Variants in MBNL1 observed in about 807,000 individuals in gnomAD.
MBNL1 encodes muscleblind-like protein 1.
In MBNL1, 8 loss-of-function variants were observed where a neutral mutation model predicts 42.2. The observed-to-expected ratio is 0.19, with a 90% confidence interval of 0.11 to 0.34. The LOEUF (loss-of-function observed/expected upper bound fraction) is 0.34. Ranked by LOEUF, MBNL1 falls within the 10% of genes least tolerant of loss-of-function variation. The pLI is 1.00. For missense variants in MBNL1, 309 were observed against 495.3 expected, an observed-to-expected ratio of 0.62 and a Z score of 3.57; for synonymous variants, 169 against 173.9, an observed-to-expected ratio of 0.97 and a Z score of 0.22.
At chr3:152,265,133 T>C (rs2036978098), upstream of MBNL1, 1 of 152,166 alleles carries the variant, frequency 6.6e-6, no homozygotes, top group Non-Finnish European at 1.5e-5. Flanking sequence ...AAGTTTAATG[T>C]GATAAATTTA....
intron 2 of MBNL1, among the ~76,000 whole-genome samples, chr3:152,405,588 A>G (rs2098407467): frequency 6.6e-6 from 1 of 152,198 alleles, no homozygotes; most frequent in Non-Finnish European, 1.5e-5. Flanking sequence ...ATGTTTAAGC[A>G]GTCTGTAAAG....
intron 1 of MBNL1, among the ~76,000 whole-genome samples, chr3:152,273,236 A>G (rs957245960): frequency 6.6e-6 from 1 of 152,234 alleles, no homozygotes; most frequent in Non-Finnish European, 1.5e-5. Flanking sequence ...AGCTATTGGC[A>G]TATGGCATTA....
At chr3:152,447,290 G>C (rs558976941) in intron 5 of MBNL1, among the ~76,000 whole-genome samples, 1 of 152,246 alleles carries the variant, frequency 6.6e-6, no homozygotes, top group East Asian at 1.9e-4. Flanking sequence ...CTCGCAGTGC[G>C]GCTTTTCTTC....
At chr3:152,412,461 G>T (rs1426040608) in intron 2 of MBNL1, among the ~76,000 whole-genome samples, 2 of 152,066 alleles carry the variant, frequency 1.3e-5, no homozygotes, top group Non-Finnish European at 2.9e-5. Context: ...CCAAATATCA[G>T]TTGATTCTTA....
chr3:152,377,975 T>C (rs1044596672), intron 2 of MBNL1, among the ~76,000 whole-genome samples: 3 of 152,186 alleles, frequency 2.0e-5, no homozygotes, highest in African/African-American at 7.2e-5. Context: ...ACCTGCTGTA[T>C]ATTGTTTTAT....
At chr3:152,362,785 C>CA (rs1459004664) in intron 2 of MBNL1, among the ~76,000 whole-genome samples, 1 of 151,836 alleles carries the variant, frequency 6.6e-6, no homozygotes. Flanking sequence ...TAAAGTAAAA[C>CA]AAAAAAAGTA....
intron 2 of MBNL1, among the ~76,000 whole-genome samples, chr3:152,347,763 TCTA>T (rs2094468918): frequency 6.6e-6 from 1 of 152,120 alleles, no homozygotes; most frequent in African/African-American, 2.4e-5. Flanking sequence ...GTTGAACAAA[TCTA>T]ATAAAGATAA....
chr3:152,287,244 G>A (rs1022707074), intron 1 of MBNL1, among the ~76,000 whole-genome samples: 1 of 151,954 alleles, frequency 6.6e-6, no homozygotes, highest in African/African-American at 2.4e-5. Context: ...TGTATATGGT[G>A]TAGTATCTTA....
intron 2 of MBNL1, among the ~76,000 whole-genome samples, chr3:152,247,701 AT>A (rs1291144591): frequency 6.6e-6 from 1 of 151,870 alleles, no homozygotes; most frequent in African/African-American, 2.4e-5. Flanking sequence ...AGGCACTTAG[AT>A]TTAATGTTTT....
intron 2 of MBNL1, among the ~76,000 whole-genome samples, chr3:152,252,143 C>T (rs920185697): frequency 7.9e-6 from 1 of 127,174 alleles, no homozygotes. Context: ...TACCTTCCTT[C>T]CTTCCTTCCT....
At position 152,456,942 on chromosome 3, in the gene MBNL1, C is replaced by T. The variant is rs1019647671; in HGVS notation, c.1092+581C>T. Reference sequence around the variant, plus strand: ...CTTTCAGTGAAAGAAAAATCCTAAGCGCTCTTATTTTTATAATTACCCTGC... The same window carrying T: ...CTTTCAGTGAAAGAAAAATCCTAAGTGCTCTTATTTTTATAATTACCCTGC... On this transcript the variant is annotated intron_variant, in intron 8 of 9. Coordinates refer to ENST00000324210, the MANE Select transcript of MBNL1 (RefSeq NM_021038.5). 1.7e-4 allele frequency among the ~76,000 whole-genome samples: 26 copies of T among 152,038 alleles called. No individual in the cohort carries two copies. In the East Asian group the frequency reaches 1.7e-3, roughly 10 times the overall value.
At chr3:152,458,481 G>T in intron 8 of MBNL1, 1 of 351,374 alleles carries the variant, frequency 2.8e-6, no homozygotes, top group South Asian at 2.9e-5. Flanking sequence ...GAGTTGCTTT[G>T]CTCAGGGTCA....
intron 2 of MBNL1, among the ~76,000 whole-genome samples, chr3:152,250,067 T>C (rs1487991199): frequency 1.3e-5 from 2 of 151,970 alleles, no homozygotes; most frequent in Non-Finnish European, 2.9e-5. Context: ...CCTCCAGCTT[T>C]GTTCTTTTGG....
intron 8 of MBNL1, chr3:152,458,074 A>G (rs1248461645): frequency 2.5e-5 from 36 of 1,454,982 alleles, no homozygotes; most frequent in Non-Finnish European, 3.4e-5. Context: ...AGAAGTTTAT[A>G]GCTGGCCCTT....
intron 2 of MBNL1, chr3:152,340,721 C>T: frequency 3.7e-6 from 6 of 1,613,992 alleles, no homozygotes; most frequent in Non-Finnish European, 5.1e-6. Context: ...CTCAAATGTT[C>T]CTTTGGATTC....
At chr3:152,306,744 T>C (rs938707776) in intron 2 of MBNL1, among the ~76,000 whole-genome samples, 6 of 151,732 alleles carry the variant, frequency 4.0e-5, no homozygotes, top group Admixed American at 6.6e-5. Context: ...AATAAAAGAG[T>C]GTTTATTTTT....
intron 2 of MBNL1, chr3:152,341,096 G>A (rs2093075103): frequency 5.0e-6 from 3 of 595,240 alleles, no homozygotes; most frequent in South Asian, 5.0e-5. Flanking sequence ...AGACTTCAAA[G>A]TATAACTAAA....
chr3:152,442,862 CA>C (rs2099162029), intron 4 of MBNL1, among the ~76,000 whole-genome samples: 1 of 152,148 alleles, frequency 6.6e-6, no homozygotes, highest in Non-Finnish European at 1.5e-5. Context: ...CAAGTTTTCA[CA>C]AGAGATTTTC....
At chr3:152,449,629 C>T (rs1037787391) in intron 6 of MBNL1, among the ~76,000 whole-genome samples, 1 of 152,058 alleles carries the variant, frequency 6.6e-6, no homozygotes, top group Non-Finnish European at 1.5e-5. Context: ...AGATAAAGTT[C>T]AAATTAGGGA....
Sources: allele counts gnomAD v4.1 joint callset (sites outside exome capture counted in the v4.1 genomes callset), GRCh38; gene constraint gnomAD v4.1.1; transcripts MANE v1.5; gene names NCBI Gene and HGNC (gene_info 2026-07-23, HGNC 2026-07-21).